The following CHRM3 variants were observed in gnomAD, a reference collection of about 807,000 sequenced individuals.
The protein encoded by CHRM3 is muscarinic acetylcholine receptor M3.
Under a neutral mutation model 41.8 loss-of-function variants are expected in CHRM3, and 11 were observed. That is an observed-to-expected ratio of 0.26 (90% CI 0.17 to 0.44). The LOEUF (loss-of-function observed/expected upper bound fraction) is 0.44, where lower values mean the gene tolerates loss of function less well. Among genes scored for constraint, CHRM3 ranks in the 20% least tolerant of loss-of-function variants. CHRM3 has a pLI of 1.00. For missense variants in CHRM3, 571 were observed against 745.4 expected (o/e 0.77, Z 2.72); for synonymous variants, 297 against 301.4 (o/e 0.99, Z 0.15).
At chr1:239,437,363 A>T (rs576711720) in intron 1 of CHRM3, among the ~76,000 whole-genome samples, 1 of 152,156 alleles carries the variant, frequency 6.6e-6, no homozygotes, top group East Asian at 1.9e-4. Context: ...AAGTGTTGGG[A>T]TTATAGGCAT....
intron 4 of CHRM3, among the ~76,000 whole-genome samples, chr1:239,669,564 C>T (rs867232702): frequency 2.0e-5 from 3 of 152,070 alleles, no homozygotes; most frequent in Admixed American, 1.3e-4. Context: ...TTGACCTACA[C>T]GTGTCACCCA....
At chr1:239,547,959 C>T (rs1659452985) in intron 3 of CHRM3, among the ~76,000 whole-genome samples, 1 of 151,166 alleles carries the variant, frequency 6.6e-6, no homozygotes, top group South Asian at 2.1e-4. Flanking sequence ...GGACTGTCAC[C>T]ATGTTTAAAA....
intron 4 of CHRM3, among the ~76,000 whole-genome samples, chr1:239,640,199 T>A (rs1196606761): frequency 1.3e-5 from 2 of 152,080 alleles, no homozygotes; most frequent in Non-Finnish European, 2.9e-5. Context: ...GCATCAATGT[T>A]CATCAAGGAT....
intron 1 of CHRM3, among the ~76,000 whole-genome samples, chr1:239,408,906 C>A (rs1214201685): frequency 6.6e-6 from 1 of 151,970 alleles, no homozygotes; most frequent in African/African-American, 2.4e-5. Flanking sequence ...ATAGGCGTGA[C>A]CTACTATGCC....
chr1:239,481,107 C>T (rs1666823782), intron 1 of CHRM3, among the ~76,000 whole-genome samples: 1 of 152,078 alleles, frequency 6.6e-6, no homozygotes, highest in African/African-American at 2.4e-5. Context: ...GAATGGGGTA[C>T]ATACATGTAA....
At chr1:239,608,088 T>G (rs1195572366) in intron 3 of CHRM3, among the ~76,000 whole-genome samples, 1 of 152,218 alleles carries the variant, frequency 6.6e-6, no homozygotes. Flanking sequence ...CTAACTACCT[T>G]TATTTGTATA....
chr1:239,839,534 C>A (rs1484911674), intron 6 of CHRM3, among the ~76,000 whole-genome samples: 1 of 152,190 alleles, frequency 6.6e-6, no homozygotes, highest in Non-Finnish European at 1.5e-5. Flanking sequence ...TTATGGGAAT[C>A]CATGGAACAT....
chr1:239,538,711 T>C (rs1210240693), intron 2 of CHRM3, among the ~76,000 whole-genome samples: 1 of 152,176 alleles, frequency 6.6e-6, no homozygotes, highest in Admixed American at 6.5e-5. Context: ...GTCTTTAAAG[T>C]TTAATAGCCA....
At chr1:239,530,049 C>T (rs1288885645) in intron 2 of CHRM3, among the ~76,000 whole-genome samples, 1 of 152,070 alleles carries the variant, frequency 6.6e-6, no homozygotes, top group Non-Finnish European at 1.5e-5. Flanking sequence ...AGGTGCCCGC[C>T]ACCATGCCCA....
chr1:239,518,341 C>G (rs2148246239), intron 2 of CHRM3, among the ~76,000 whole-genome samples: 1 of 152,312 alleles, frequency 6.6e-6, no homozygotes, highest in African/African-American at 2.4e-5. Flanking sequence ...TGAAATCCAG[C>G]CTTCACTTAA....
At chr1:239,874,297 A>ATATATATATCTATATACACAG (rs1553291920) in intron 6 of CHRM3, among the ~76,000 whole-genome samples, 13,213 of 91,500 alleles carry the variant, frequency 0.14, 1,194 homozygotes, top group Non-Finnish European at 0.19. Flanking sequence ...ATATATATAT[A>ATATATATATCTATATACACAG]TATATATATA....
chr1:239,674,085 CT>C (rs1558441452), intron 4 of CHRM3, among the ~76,000 whole-genome samples: 1 of 152,122 alleles, frequency 6.6e-6, no homozygotes, highest in Non-Finnish European at 1.5e-5. Context: ...ACCTGAAACA[CT>C]TCTGATCCCA....
intron 6 of CHRM3, among the ~76,000 whole-genome samples, chr1:239,841,584 A>G (rs1255182641): frequency 2.0e-5 from 3 of 152,220 alleles, no homozygotes; most frequent in Non-Finnish European, 1.5e-5. Context: ...CTGAAGGGCA[A>G]TGGACTGGAA....
intron 6 of CHRM3, among the ~76,000 whole-genome samples, chr1:239,873,309 AC>A (rs1676752785): frequency 6.6e-6 from 1 of 152,162 alleles, no homozygotes; most frequent in Admixed American, 6.6e-5. Flanking sequence ...CTGAATTCCC[AC>A]ACAGGGAACA....
intron 1 of CHRM3, among the ~76,000 whole-genome samples, chr1:239,401,685 G>T (rs1239967723): frequency 1.3e-5 from 2 of 151,928 alleles, no homozygotes; most frequent in East Asian, 1.9e-4. Context: ...TAGAGTCGGG[G>T]TTTCACCATG....
intron 5 of CHRM3, among the ~76,000 whole-genome samples, chr1:239,782,188 A>G (rs1668556246): frequency 6.6e-6 from 1 of 152,040 alleles, no homozygotes; most frequent in African/African-American, 2.4e-5. Context: ...GAATTGGTGT[A>G]ATTTTTCTTT....
At chr1:239,548,630 G>A (rs1210198769) in intron 3 of CHRM3, among the ~76,000 whole-genome samples, 1 of 152,112 alleles carries the variant, frequency 6.6e-6, no homozygotes, top group Non-Finnish European at 1.5e-5. Context: ...AGGCTTTGAG[G>A]GTGCATTTCT....
intron 5 of CHRM3, among the ~76,000 whole-genome samples, chr1:239,770,995 G>A (rs1405439556): frequency 6.6e-6 from 1 of 151,908 alleles, no homozygotes; most frequent in Non-Finnish European, 1.5e-5. Context: ...GGCTGAGGCA[G>A]GGGAATTGCT....
intron 3 of CHRM3, among the ~76,000 whole-genome samples, chr1:239,576,592 A>G (rs34518203): frequency 0.048 from 3,862 of 80,992 alleles, 100 homozygotes; most frequent in African/African-American, 0.087. Flanking sequence ...ACACACACAC[A>G]CGCACACACA....
Sources: gnomAD v4.1 joint callset for allele counts (sites outside exome capture counted in the v4.1 genomes callset) on GRCh38, gnomAD v4.1.1 for gene constraint, MANE v1.5 for transcripts, NCBI Gene and HGNC (gene_info 2026-07-23, HGNC 2026-07-21) for gene names.